Variants in AHCYL2 observed in about 807,000 individuals in gnomAD.
AHCYL2 encodes adenosylhomocysteinase like 2.
AHCYL2 carries 28 observed loss-of-function variants against 81.4 expected under a neutral mutation model. That is an observed-to-expected ratio of 0.34 (90% CI 0.25 to 0.47). The LOEUF is 0.47. AHCYL2 is among the 20% of genes least tolerant of loss of function. The pLI is 1.00. For synonymous variants in AHCYL2, 272 were observed against 290.2 expected (o/e 0.94, Z 0.64); for missense variants, 551 against 785.1 (o/e 0.70, Z 3.56).
At chr7:129,404,208 A>G (rs1796190019) in intron 7 of AHCYL2, among the ~76,000 whole-genome samples, 1 of 152,164 alleles carries the variant, frequency 6.6e-6, no homozygotes. Flanking sequence ...ACAGACAGAA[A>G]AAAACTCTGC....
intron 1 of AHCYL2, among the ~76,000 whole-genome samples, chr7:129,333,442 C>G (rs1798491192): frequency 6.6e-6 from 1 of 151,860 alleles, no homozygotes. Context: ...ATTGAAAGGA[C>G]ATGACAGCTG....
intron 1 of AHCYL2, among the ~76,000 whole-genome samples, chr7:129,240,887 T>C (rs1406366994): frequency 6.6e-6 from 1 of 152,080 alleles, no homozygotes; most frequent in Non-Finnish European, 1.5e-5. Context: ...GAGATGTAAT[T>C]TTCATTTTTT....
At chr7:129,425,487 AC>A (rs1797322265) in intron 15 of AHCYL2, among the ~76,000 whole-genome samples, 1 of 152,110 alleles carries the variant, frequency 6.6e-6, no homozygotes, top group Non-Finnish European at 1.5e-5. Flanking sequence ...CATCTGACTT[AC>A]TCCAATTCTA....
chr7:129,424,700 G>A, intron 13 of AHCYL2, 174 bp from the exon 14 acceptor site: 2 of 632,290 alleles, frequency 3.2e-6, no homozygotes, highest in Non-Finnish European at 5.6e-6. Context: ...CAGAATTTTA[G>A]TGGTTTCATT....
chr7:129,260,102 A>G (rs1289590666), intron 1 of AHCYL2, among the ~76,000 whole-genome samples: 1 of 151,514 alleles, frequency 6.6e-6, no homozygotes, highest in East Asian at 1.9e-4. Context: ...AAGCTGATAT[A>G]AGACAAATTC....
chr7:129,364,779 G>A (rs1794048743), intron 1 of AHCYL2, among the ~76,000 whole-genome samples: 1 of 152,104 alleles, frequency 6.6e-6, no homozygotes, highest in African/African-American at 2.4e-5. Context: ...GGATTACAAT[G>A]GGTGCAGATC....
chr7:129,240,931 C>T (rs539975247), intron 1 of AHCYL2, among the ~76,000 whole-genome samples: 49 of 151,790 alleles, frequency 3.2e-4, no homozygotes, highest in Admixed American at 7.9e-4. Flanking sequence ...TATAGGTTTG[C>T]GTAGAGAGCT....
At chr7:129,249,349 A>G (rs1315177808) in intron 1 of AHCYL2, among the ~76,000 whole-genome samples, 10 of 152,004 alleles carry the variant, frequency 6.6e-5, no homozygotes, top group African/African-American at 2.4e-4. Flanking sequence ...TACATTCACA[A>G]TATTACCATT....
chr7:129,312,398 T>TTTTC (rs1337916476), intron 1 of AHCYL2, among the ~76,000 whole-genome samples: 1 of 152,132 alleles, frequency 6.6e-6, no homozygotes, highest in Non-Finnish European at 1.5e-5. Context: ...CTTCATTTTC[T>TTTTC]TTTCTTTCTT....
intron 8 of AHCYL2, 130 bp from the exon 9 acceptor site, chr7:129,405,706 T>A: frequency 1.3e-6 from 1 of 781,584 alleles, no homozygotes; most frequent in Non-Finnish European, 1.9e-6. Flanking sequence ...TTTAAAAAAA[T>A]AAAGAAACCA....
Position 129,399,184 on chromosome 7 carries a change from C to T in AHCYL2, c.824-1106C>T, listed in dbSNP as rs181183654. The stretch of plus-strand genomic sequence containing the variant: ...AAAAAAGAGGCCAGGCGCGGTGGCT[C>T]ACACCTGTAATCCCAGCACTTTGGG... On this transcript the variant is annotated intron_variant, in intron 5 of 16. Coordinates refer to ENST00000325006, the MANE Select transcript of AHCYL2 (RefSeq NM_015328.4). Among the ~76,000 whole-genome samples, 963 of 143,686 alleles carry T rather than the reference C, an allele frequency of 6.7e-3. 10 individuals are homozygous for T. The highest frequency in any genetic ancestry group is 0.024 in the African/African-American group (917 of 38,928). The allele number at this position is 143,686 out of a possible 152,430, so 94.3% of individuals were successfully genotyped here.
At position 129,236,171 on chromosome 7, in the gene AHCYL2, C is replaced by T. The variant is rs542526875; in HGVS notation, c.363+10732C>T. Among the ~76,000 whole-genome samples, 6 of 151,558 alleles carry T rather than the reference C, an allele frequency of 4.0e-5. No individual in the cohort carries two copies. The South Asian group carries it at 1.0e-3, about 26-fold the overall frequency. Reference sequence around the variant, plus strand: ...TGAGTTAGCTGGGACTACAGGTACACGCTGCCACGCCCAGCTAATTTTTAA... The same window carrying T: ...TGAGTTAGCTGGGACTACAGGTACATGCTGCCACGCCCAGCTAATTTTTAA... On this transcript the variant is annotated intron_variant, in intron 1 of 16. Coordinates refer to ENST00000325006, the MANE Select transcript of AHCYL2 (RefSeq NM_015328.4).
chr7:129,418,591 G>A (rs1197775760), intron 12 of AHCYL2, among the ~76,000 whole-genome samples: 4 of 151,952 alleles, frequency 2.6e-5, no homozygotes, highest in Non-Finnish European at 4.4e-5. Flanking sequence ...GAGCCACCGC[G>A]CCCAGCCGAC....
chr7:129,299,144 A>ACTGGAAATTT (rs1797157848), intron 1 of AHCYL2, among the ~76,000 whole-genome samples: 2 of 151,496 alleles, frequency 1.3e-5, no homozygotes, highest in Middle Eastern at 3.2e-3. Flanking sequence ...TCAGGGACAG[A>ACTGGAAATTT]CTGGAAATTT....
intron 1 of AHCYL2, among the ~76,000 whole-genome samples, chr7:129,352,281 G>A (rs1450224464): frequency 2.6e-5 from 4 of 152,134 alleles, no homozygotes; most frequent in Non-Finnish European, 5.9e-5. Flanking sequence ...GAAACTGACA[G>A]TATTTGTTGT....
At chr7:129,397,445 C>A in intron 5 of AHCYL2, 121 bp downstream of exon 5, 1 of 966,646 alleles carries the variant, frequency 1.0e-6, no homozygotes, top group Non-Finnish European at 1.5e-6. Flanking sequence ...AGAAATGGAT[C>A]TCGATTCTTC....
At chr7:129,271,672 T>G (rs553134751) in intron 1 of AHCYL2, among the ~76,000 whole-genome samples, 1 of 152,328 alleles carries the variant, frequency 6.6e-6, no homozygotes, top group East Asian at 1.9e-4. Flanking sequence ...CATGGCTGTT[T>G]CACTCTGTTA....
intron 10 of AHCYL2, among the ~76,000 whole-genome samples, chr7:129,407,504 C>G (rs1796362024): frequency 6.6e-6 from 1 of 152,144 alleles, no homozygotes; most frequent in African/African-American, 2.4e-5. Flanking sequence ...TACCACTGTT[C>G]TTAAAAACTA....
intron 4 of AHCYL2, among the ~76,000 whole-genome samples, chr7:129,394,452 T>TTTC (rs1162424946): frequency 3.5e-5 from 5 of 143,398 alleles, no homozygotes; most frequent in Admixed American, 2.8e-4. Context: ...TTTTTTTTTT[T>TTTC]TTTTTTTTTT....
Sources: allele counts gnomAD v4.1 joint callset (sites outside exome capture counted in the v4.1 genomes callset), GRCh38; gene constraint gnomAD v4.1.1; transcripts MANE v1.5; gene names NCBI Gene and HGNC (gene_info 2026-07-23, HGNC 2026-07-21).